The following XPNPEP2 variants were observed in gnomAD, a reference collection of about 807,000 sequenced individuals.
XPNPEP2 encodes the protein X-prolyl aminopeptidase 2.
A neutral mutation model predicts 59.8 loss-of-function variants in XPNPEP2; 64 were observed. That is an observed-to-expected ratio of 1.07 (90% CI 0.87 to 1.32). XPNPEP2 has a LOEUF of 1.32. Among genes scored for constraint, XPNPEP2 ranks in the 40% most tolerant of loss-of-function variants. The probability of loss-of-function intolerance (pLI) is 0.00; values close to 1 mark genes in which losing one functional copy is unlikely to be tolerated. For synonymous variants in XPNPEP2, 235 were observed against 210.0 expected (o/e 1.12, Z -1.03); for missense variants, 575 against 546.8 (o/e 1.05, Z -0.51).
At chrX:129,748,992 G>A (rs190639451) in intron 7 of XPNPEP2, among the ~76,000 whole-genome samples, 2 of 112,017 alleles carry the variant, frequency 1.8e-5, no homozygotes, top group Admixed American at 1.9e-4. Context: ...AAGGAGAAAG[G>A]AGAGTGCAAA....
At chrX:129,745,345 C>G in intron 4 of XPNPEP2, 79 bp downstream of exon 4, 1 of 1,108,395 alleles carries the variant, frequency 9.0e-7, no homozygotes, top group Non-Finnish European at 1.2e-6. Context: ...TGGCTAGTGT[C>G]TCAGCATCTG....
intron 13 of XPNPEP2, 115 bp downstream of exon 13, chrX:129,755,486 G>A (rs375649938): frequency 2.5e-5 from 18 of 715,797 alleles, no homozygotes; most frequent in Admixed American, 2.1e-4. Context: ...TTGAAGGTCC[G>A]AGGCCCCTAG....
chrX:129,740,812 C>G (rs1312254135), intron 1 of XPNPEP2, among the ~76,000 whole-genome samples: 1 of 107,935 alleles, frequency 9.3e-6, no homozygotes, highest in Non-Finnish European at 1.9e-5. Context: ...GTGGTGGGTG[C>G]ATGCCTGTAG....
Position 129,761,969 on chromosome X carries a change from A to AG in XPNPEP2, c.1604-35dup, listed in dbSNP as rs772618388. On this transcript the variant is annotated intron_variant, in intron 17 of 20. Coordinates refer to ENST00000371106, the MANE Select transcript of XPNPEP2 (RefSeq NM_003399.6). ...TGCTCACTTCCAAGCTGGTGAGTAT[A>AG]GGAGAACTGATACCATGTTTATGTC... 3.3e-3 allele frequency: 3,897 copies of AG among 1,197,067 alleles called. 11 individuals carry two copies. The highest frequency in any genetic ancestry group is 4.0e-3 in the Non-Finnish European group (3,564 of 882,956).
rs1322778125 is a variant in XPNPEP2 at position 129,739,227 on chromosome X, A to G, written c.14A>G (p.His5Arg). 8.3e-7 allele frequency: 1 copy of G among 1,207,864 alleles called. No individual in the cohort carries two copies. The highest frequency in any genetic ancestry group is 1.8e-5 in the African/African-American group (1 of 57,053). Reference protein sequence around the residue: MARAHWGCCPWLVLL... With the variant: MARARWGCCPWLVLL... ...TCTGGAGACCCTATGGCCCGGGCTC[A>G]CTGGGGCTGCTGCCCCTGGCTGGTC... The change falls in exon 1 of 21, where the codon CAC becomes CGC. Residue 5 changes from histidine (H) to arginine (R), a missense_variant. Physicochemically the swap from His to Arg is conservative, Grantham distance 29. Coordinates refer to ENST00000371106, the MANE Select transcript of XPNPEP2 (RefSeq NM_003399.6).
intron 3 of XPNPEP2, 114 bp downstream of exon 3, chrX:129,744,185 G>C: frequency 1.5e-6 from 1 of 676,832 alleles, no homozygotes; most frequent in East Asian, 3.3e-5. Context: ...GATGGGCAAA[G>C]GGAGGGAAGT....
At chrX:129,764,226 A>T (rs1569477797) in intron 19 of XPNPEP2, among the ~76,000 whole-genome samples, 1 of 107,951 alleles carries the variant, frequency 9.3e-6, no homozygotes, top group Non-Finnish European at 1.9e-5. Context: ...TTATTTTACC[A>T]TGAGCTTTTT....
At position 129,751,591 on chromosome X, in the gene XPNPEP2, AAAGAAAGGAAGGAAGGAAGGAAGG is replaced by A. The variant is rs1259579072; in HGVS notation, c.740-150_740-127del. Among the ~76,000 whole-genome samples, 447 of 54,639 alleles carry A rather than the reference AAAGAAAGGAAGGAAGGAAGGAAGG, an allele frequency of 8.2e-3. 5 individuals carry two copies. Among genetic ancestry groups the A allele is most frequent in the Non-Finnish European group, 0.012 (357 of 29,758 alleles). 47.4% of individuals were successfully genotyped at this position (54,639 alleles called of 115,157 possible). ...GAAAGAAAGAAAGAAAGAAAGAAAG[AAAGAAAGGAAGGAAGGAAGGAAGG>A]AAGGAAGGAAGGAAGGAAGGAAGGA... On this transcript the variant is annotated intron_variant, in intron 8 of 20. Coordinates refer to ENST00000371106, the MANE Select transcript of XPNPEP2 (RefSeq NM_003399.6).
intron 2 of XPNPEP2, among the ~76,000 whole-genome samples, chrX:129,742,668 G>A (rs778748820): frequency 3.6e-5 from 4 of 110,905 alleles, no homozygotes; most frequent in East Asian, 2.9e-4. Flanking sequence ...TTGGGAGACC[G>A]AGCCAGGTGG....
At chrX:129,745,314 G>T (rs751039803) in intron 4 of XPNPEP2, 48 bp downstream of exon 4, 6 of 1,196,506 alleles carry the variant, frequency 5.0e-6, no homozygotes, top group Non-Finnish European at 6.8e-6. Flanking sequence ...AGATCCAGAG[G>T]TGGTCACAGA....
intron 4 of XPNPEP2, 147 bp from the exon 5 acceptor site, chrX:129,746,089 T>G (rs1926290364): frequency 2.1e-5 from 10 of 487,677 alleles, no homozygotes; most frequent in South Asian, 9.6e-5. Flanking sequence ...AAGATCTCCT[T>G]CCTCACTTCT....
intron 20 of XPNPEP2, 62 bp downstream of exon 20, chrX:129,767,754 C>A: frequency 9.0e-7 from 1 of 1,110,587 alleles, no homozygotes; most frequent in Non-Finnish European, 1.2e-6. Flanking sequence ...CTGCTACCTG[C>A]CACCACATCC....
intron 5 of XPNPEP2, 44 bp downstream of exon 5, chrX:129,746,384 G>A: frequency 1.8e-6 from 2 of 1,136,111 alleles, no homozygotes; most frequent in Non-Finnish European, 2.4e-6. Context: ...TTGGGACCTG[G>A]ACTAGGTTCA....
At chrX:129,749,989 G>A (rs1477831775) in intron 7 of XPNPEP2, among the ~76,000 whole-genome samples, 2 of 112,851 alleles carry the variant, frequency 1.8e-5, no homozygotes, top group Non-Finnish European at 3.7e-5. Flanking sequence ...TGGGGTTACT[G>A]CAGAGAAAGT....
At chrX:129,759,917 C>T (rs774829084) in intron 15 of XPNPEP2, among the ~76,000 whole-genome samples, 3 of 112,147 alleles carry the variant, frequency 2.7e-5, no homozygotes, top group Non-Finnish European at 3.8e-5. Flanking sequence ...ACTGTCAGGC[C>T]ACCTCCCTCC....
intron 7 of XPNPEP2, among the ~76,000 whole-genome samples, chrX:129,749,406 G>A (rs1239221977): frequency 1.8e-5 from 2 of 112,719 alleles, no homozygotes; most frequent in African/African-American, 6.5e-5. Flanking sequence ...TTTATGTTAT[G>A]TGTAAAATAC....
chrX:129,755,124 A>T (rs748800071), intron 12 of XPNPEP2, among the ~76,000 whole-genome samples, 170 bp from the exon 13 acceptor site: 8 of 112,367 alleles, frequency 7.1e-5, no homozygotes, highest in Non-Finnish European at 1.1e-4. Flanking sequence ...TATAAATGAC[A>T]GGTCAGGGCT....
At position 129,754,514 on chromosome X, in the gene XPNPEP2, G is replaced by T. The variant is rs752571577; in HGVS notation, c.1150G>T (p.Glu384Ter). The T allele has an allele frequency of 8.4e-7, 1 of 1,196,280 alleles. No individual in the cohort carries two copies. Among genetic ancestry groups the T allele is most frequent in the East Asian group, 3.0e-5 (1 of 33,134 alleles). Reference protein sequence around the residue: ...VAVIRYLVWLEKNVPKGTVDE... With the variant: ...VAVIRYLVWL ...TGTGATCCGGTACTTGGTCTGGCTGGAGAAGAACGTGCCCAAAGGCACAGT... is the reference window on the plus strand; with the variant it reads ...TGTGATCCGGTACTTGGTCTGGCTGTAGAAGAACGTGCCCAAAGGCACAGT... Residue 384 changes from glutamate (E) to a stop codon, truncating the protein, a stop_gained, in exon 12 of 21, where the codon GAG becomes TAG. Transcript: ENST00000371106. LOFTEE classifies it high-confidence loss of function.
At chrX:129,760,328 C>T (rs1042771258) in intron 15 of XPNPEP2, among the ~76,000 whole-genome samples, 184 bp from the exon 16 acceptor site, 1 of 112,515 alleles carries the variant, frequency 8.9e-6, no homozygotes, top group African/African-American at 3.2e-5. Flanking sequence ...TGGGAAGGCC[C>T]TCCTCAGCCT....
Sources: allele counts gnomAD v4.1 joint callset (sites outside exome capture counted in the v4.1 genomes callset), GRCh38; gene constraint gnomAD v4.1.1; transcripts MANE v1.5; gene names NCBI Gene and HGNC (gene_info 2026-07-23, HGNC 2026-07-21).